CRLF2: variants seen among roughly 807,000 people sequenced by gnomAD.
CRLF2 encodes cytokine receptor-like factor 2.
Under a neutral mutation model 38.7 loss-of-function variants are expected in CRLF2, and 41 were observed. The ratio of observed to expected loss-of-function variants is 1.06; its 90% CI spans 0.83 to 1.37. CRLF2 has a LOEUF of 1.37. Ranked by LOEUF, CRLF2 falls within the 40% of genes most tolerant of loss-of-function variation. CRLF2 has a pLI of 0.00. For synonymous variants in CRLF2, 140 were observed against 128.8 expected (o/e 1.09, Z -0.59); for missense variants, 377 against 322.2 (o/e 1.17, Z -1.30).
intron 3 of CRLF2, among the ~76,000 whole-genome samples, chrX:1,203,682 G>C (rs374330611): frequency 9.6e-4 from 146 of 152,272 alleles, no homozygotes; most frequent in African/African-American, 3.3e-3. Context: ...GGGAGAGGCA[G>C]GAAGGATCCT....
At chrX:1,193,418 C>T in intron 6 of CRLF2, 116 bp from the exon 7 acceptor site, 1 of 396,880 alleles carries the variant, frequency 2.5e-6, no homozygotes, top group Non-Finnish European at 4.4e-6. Context: ...AGAGCGGGGC[C>T]TTCCACATGG....
intron 5 of CRLF2, among the ~76,000 whole-genome samples, chrX:1,197,925 G>A (rs192773731): frequency 8.4e-4 from 127 of 152,052 alleles, no homozygotes; most frequent in Non-Finnish European, 1.4e-3. Context: ...TCGATTGAAC[G>A]TGGGAGACAG....
chrX:1,204,150 C>CTGTGTGTGTGTGTGTG (rs782552615), intron 3 of CRLF2, among the ~76,000 whole-genome samples: 16,629 of 124,426 alleles, frequency 0.13, 1,351 homozygotes, highest in South Asian at 0.19. Context: ...CCAGCTCACT[C>CTGTGTGTGTGTGTGTG]TGTGTGTGTG....
Position 1,196,829 on chromosome X carries a change from T to A in CRLF2, c.718A>T (p.Ile240Phe), listed in dbSNP as rs1196093432. Residue 240 changes from isoleucine to phenylalanine, a missense_variant, in exon 6 of 8, where the codon ATC becomes TTC. Ile to Phe is a conservative substitution (Grantham distance 21, BLOSUM62 0). Transcript: ENST00000400841. ...SKFILISSLA[I>F]LLMVSLLLLS... ...AGGAGGAGAGACACCATCAGAAGGA[T>A]GGCCAGGCTGGAAATTAAAATAAAT... 5 of 1,613,480 alleles carry A rather than the reference T, an allele frequency of 3.1e-6. No individual in the cohort carries two copies. Among genetic ancestry groups the A allele is most frequent in the Non-Finnish European group, 4.2e-6 (5 of 1,179,640 alleles).
rs1252567962 is a variant in CRLF2 at position 1,192,645 on chromosome X, C to CT, written c.852+572dup. On this transcript the variant is annotated intron_variant, in intron 7 of 7. Transcript: ENST00000400841. ...TTCTCTCTCTTTCTTTCTTCCTTTT[C>CT]TTTTTTTCTTTCTTTCCTTTTTTCT... Among the ~76,000 whole-genome samples, 13 of 150,892 alleles carry CT rather than the reference C, an allele frequency of 8.6e-5. No homozygotes were observed. The East Asian group carries it at 2.3e-3, about 27-fold the overall frequency.
chrX:1,203,623 T>G (rs1394208707), intron 3 of CRLF2, among the ~76,000 whole-genome samples: 1 of 151,082 alleles, frequency 6.6e-6, no homozygotes, highest in Admixed American at 6.6e-5. Context: ...AGGCAGAGAC[T>G]GGAGTGATGC....
intron 2 of CRLF2, 81 bp downstream of exon 2, chrX:1,208,725 A>G: frequency 1.2e-6 from 1 of 855,750 alleles, no homozygotes; most frequent in Admixed American, 1.8e-5. Flanking sequence ...TTTTGTTCTC[A>G]AGCATTCCCA....
At chrX:1,194,760 G>C (rs1229539955) in intron 6 of CRLF2, among the ~76,000 whole-genome samples, 4 of 152,094 alleles carry the variant, frequency 2.6e-5, no homozygotes, top group Non-Finnish European at 4.4e-5. Flanking sequence ...GGCCAGGAGT[G>C]GTGGCTCACG....
intron 7 of CRLF2, among the ~76,000 whole-genome samples, 188 bp from the exon 8 acceptor site, chrX:1,191,348 T>TTCTTTCTTTCTTTCTTTC (rs1413878313): frequency 2.4e-5 from 3 of 122,828 alleles, no homozygotes; most frequent in African/African-American, 8.4e-5. Flanking sequence ...TTTCTTTCCT[T>TTCTTTCTTTCTTTCTTTC]CTTTCTTTCT....
chrX:1,209,885 C>T (rs1372595739), intron 1 of CRLF2, among the ~76,000 whole-genome samples: 1 of 151,448 alleles, frequency 6.6e-6, no homozygotes, highest in Non-Finnish European at 1.5e-5. Flanking sequence ...GTGGATCACC[C>T]GAGGTCAGGA....
chrX:1,203,095 C>CAAA (rs782280523), intron 3 of CRLF2, among the ~76,000 whole-genome samples: 4 of 66,942 alleles, frequency 6.0e-5, no homozygotes, highest in African/African-American at 2.0e-4. Context: ...GAGACTATCT[C>CAAA]AAAAAAAAAA....
chrX:1,204,062 T>C (rs2086651736), intron 3 of CRLF2, among the ~76,000 whole-genome samples: 1 of 132,388 alleles, frequency 7.6e-6, no homozygotes, highest in Non-Finnish European at 1.6e-5. Flanking sequence ...AAAACCAGCC[T>C]GGGCAACAGA....
intron 4 of CRLF2, among the ~76,000 whole-genome samples, chrX:1,200,200 T>C (rs1205435937): frequency 6.6e-6 from 1 of 151,590 alleles, no homozygotes; most frequent in Non-Finnish European, 1.5e-5. Flanking sequence ...TGTATATGTG[T>C]GTATGTGTGT....
rs768459010 is a variant in CRLF2, at chrX:1,208,869, T to A, written c.119A>T (p.Glu40Val). 1 of 1,612,462 alleles carries A rather than the reference T, an allele frequency of 6.2e-7. No homozygotes were observed. The highest frequency in any genetic ancestry group is 8.5e-7 in the Non-Finnish European group (1 of 1,178,498). Reference protein sequence around the residue: ...VQIQIIYFNLETVQVTWNASK... With the variant: ...VQIQIIYFNLVTVQVTWNASK... ...GGCATTCCATGTCACCTGCACGGTT[T>A]CTAAATTGAAGTAGATGATCTGAAT... is the stretch of plus-strand genomic sequence containing the variant. The change falls in exon 2 of 8, where the codon GAA (glutamate) becomes GTA (valine). Residue 40 changes from glutamate to valine, a missense_variant. By Grantham distance (121) the Glu-to-Val change is moderately radical. Transcript: ENST00000400841.
intron 6 of CRLF2, among the ~76,000 whole-genome samples, chrX:1,193,588 G>C (rs1351748847): frequency 6.6e-6 from 1 of 151,428 alleles, no homozygotes; most frequent in African/African-American, 2.4e-5. Context: ...GACCAGCCTG[G>C]CCAACATGGT....
At chrX:1,193,642 C>T (rs1285513826) in intron 6 of CRLF2, among the ~76,000 whole-genome samples, 3 of 151,698 alleles carry the variant, frequency 2.0e-5, no homozygotes, top group African/African-American at 4.8e-5. Flanking sequence ...ATTAGCCGGG[C>T]GTGGTGGTGG....
chrX:1,207,804 C>A (rs1224171916), intron 2 of CRLF2, among the ~76,000 whole-genome samples: 6 of 151,230 alleles, frequency 4.0e-5, no homozygotes, highest in Non-Finnish European at 8.8e-5. Context: ...CACCTGCCGC[C>A]ACGCCCGGCT....
rs1429681435 is a variant in CRLF2, at chrX:1,199,239, A to G, written c.484-515T>C. The stretch of plus-strand genomic sequence containing the variant: ...CGATCCTCCTGCCTTGGCCTCCAAC[A>G]GTACTGGGATTACAGGCATGAGCCA... On this transcript the variant is annotated intron_variant, in intron 4 of 7. Transcript: ENST00000400841. 9 of 157,822 alleles carry G rather than the reference A, an allele frequency of 5.7e-5. No individual in the cohort carries two copies. In the East Asian group the frequency reaches 7.4e-4, roughly 13 times the overall value. 9.8% of individuals were successfully genotyped at this position (157,822 alleles called of 1,614,324 possible). A position where few individuals can be genotyped will look rare whatever the true frequency, so the allele number is the denominator to read the frequency against.
intron 6 of CRLF2, among the ~76,000 whole-genome samples, chrX:1,196,336 C>T (rs1294346269): frequency 1.3e-5 from 2 of 149,938 alleles, no homozygotes; most frequent in South Asian, 2.1e-4. Context: ...TACAGGTGCA[C>T]GCCACCACAC....
Sources: gnomAD v4.1 joint callset for allele counts (sites outside exome capture counted in the v4.1 genomes callset) on GRCh38, gnomAD v4.1.1 for gene constraint, MANE v1.5 for transcripts, NCBI Gene and HGNC (gene_info 2026-07-23, HGNC 2026-07-21) for gene names.